Variants in ADGRL4 observed in about 807,000 individuals in gnomAD.
ADGRL4 encodes adhesion G protein-coupled receptor L4.
ADGRL4 carries 90 observed loss-of-function variants against 74.8 expected under a neutral mutation model. The ratio of observed to expected loss-of-function variants is 1.20; its 90% CI spans 1.02 to 1.43. The LOEUF is 1.43. Among genes scored for constraint, ADGRL4 ranks in the 40% most tolerant of loss-of-function variants. The pLI is 0.00. For synonymous variants in ADGRL4, 311 were observed against 279.2 expected (o/e 1.11, Z -1.14); for missense variants, 881 against 814.3 (o/e 1.08, Z -1.00).
chr1:78,926,877 A>C lies in ADGRL4; in HGVS notation c.1083+9T>G. ...ATCATAGCCAATAACTACCAGAAAA[A>C]CAGCTTACCTTTCGATGACTTAATG... On this transcript the variant is annotated intron_variant, in intron 8 of 14. Coordinates refer to ENST00000370742, the MANE Select transcript of ADGRL4 (RefSeq NM_022159.4). 1 of 1,602,890 alleles carries C rather than the reference A, an allele frequency of 6.2e-7. No homozygotes were observed. Among genetic ancestry groups the C allele is most frequent in the Non-Finnish European group, 8.5e-7 (1 of 1,171,202 alleles).
At chr1:78,953,875 T>G (rs11808205) in intron 2 of ADGRL4, among the ~76,000 whole-genome samples, 2,284 of 152,272 alleles carry the variant, frequency 0.015, 59 homozygotes, top group African/African-American at 0.053. Flanking sequence ...CCGGCCAGGC[T>G]AGGTTGCTCA....
intron 2 of ADGRL4, among the ~76,000 whole-genome samples, chr1:78,964,318 T>C (rs1444675358): frequency 6.6e-6 from 1 of 152,188 alleles, no homozygotes; most frequent in East Asian, 1.9e-4. Flanking sequence ...GTGTTTATGT[T>C]TAATAACAGC....
intron 2 of ADGRL4, among the ~76,000 whole-genome samples, chr1:78,970,179 C>A (rs1032863373): frequency 6.6e-6 from 1 of 152,132 alleles, no homozygotes; most frequent in African/African-American, 2.4e-5. Context: ...GTCCATGCAA[C>A]TCCTCCCCCA....
intron 3 of ADGRL4, 67 bp downstream of exon 3, chr1:78,946,207 T>C: frequency 7.1e-7 from 1 of 1,410,282 alleles, no homozygotes; most frequent in South Asian, 1.5e-5. Flanking sequence ...TTTGAATATG[T>C]TTAACCTCTG....
chr1:78,972,596 T>C (rs569504673), intron 2 of ADGRL4, among the ~76,000 whole-genome samples: 3 of 152,162 alleles, frequency 2.0e-5, no homozygotes, highest in Non-Finnish European at 2.9e-5. Context: ...AGGGAACATA[T>C]TGGGAAATAA....
At chr1:78,981,841 T>C (rs1220714308) in intron 2 of ADGRL4, among the ~76,000 whole-genome samples, 1 of 151,844 alleles carries the variant, frequency 6.6e-6, no homozygotes, top group African/African-American at 2.4e-5. Flanking sequence ...TTATTTAAGA[T>C]ATTTTATGTT....
chr1:78,929,154 T>G (rs77951548), intron 7 of ADGRL4, among the ~76,000 whole-genome samples: 4,599 of 151,542 alleles, frequency 0.03, 139 homozygotes, highest in South Asian at 0.053. Context: ...GCATTGAATC[T>G]TGTTCTATTA....
At chr1:78,931,654 A>T (rs188718363) in intron 7 of ADGRL4, among the ~76,000 whole-genome samples, 1 of 151,408 alleles carries the variant, frequency 6.6e-6, no homozygotes, top group East Asian at 1.9e-4. Flanking sequence ...TAAAGAGTTG[A>T]GACCCATCGG....
At chr1:78,903,151 C>T (rs1378211125) in intron 12 of ADGRL4, among the ~76,000 whole-genome samples, 1 of 152,142 alleles carries the variant, frequency 6.6e-6, no homozygotes, top group Admixed American at 6.6e-5. Flanking sequence ...AGATCTGAGC[C>T]ATTCTGAAGG....
At chr1:78,958,706 A>T (rs147590733) in intron 2 of ADGRL4, among the ~76,000 whole-genome samples, 149 of 152,328 alleles carry the variant, frequency 9.8e-4, no homozygotes, top group African/African-American at 3.3e-3. Context: ...ATGACAAAAA[A>T]GGATTTTGAA....
intron 7 of ADGRL4, among the ~76,000 whole-genome samples, chr1:78,930,935 A>T (rs932150875): frequency 3.3e-5 from 5 of 151,394 alleles, no homozygotes; most frequent in Non-Finnish European, 7.4e-5. Flanking sequence ...ATTTTGATAC[A>T]ATTTTTAAAA....
intron 2 of ADGRL4, among the ~76,000 whole-genome samples, chr1:78,962,134 G>C (rs1649966344): frequency 2.0e-5 from 3 of 152,090 alleles, no homozygotes; most frequent in Admixed American, 2.0e-4. Context: ...ACTCACCTCA[G>C]TCTCCCAAAG....
At chr1:78,915,550 TCCC>T (rs1342114562) in intron 12 of ADGRL4, among the ~76,000 whole-genome samples, 1 of 151,834 alleles carries the variant, frequency 6.6e-6, no homozygotes, top group Non-Finnish European at 1.5e-5. Flanking sequence ...AACATTGTCC[TCCC>T]CTAAAGGCCA....
intron 1 of ADGRL4, 116 bp downstream of exon 1, chr1:79,006,517 T>A: frequency 8.4e-7 from 1 of 1,195,796 alleles, no homozygotes; most frequent in Non-Finnish European, 1.2e-6. Flanking sequence ...TCAATTCTCC[T>A]CGGAGATTTT....
chr1:78,953,416 C>CA (rs956817992), intron 2 of ADGRL4, among the ~76,000 whole-genome samples: 24 of 149,566 alleles, frequency 1.6e-4, no homozygotes, highest in South Asian at 1.1e-3. Context: ...CTCTCAGTTG[C>CA]AAAAAAAAAG....
intron 2 of ADGRL4, among the ~76,000 whole-genome samples, chr1:78,988,699 C>T (rs1403507420): frequency 1.3e-5 from 2 of 151,756 alleles, no homozygotes; most frequent in Non-Finnish European, 3.0e-5. Context: ...ATTGAAAATC[C>T]TAAGTGATGT....
In ADGRL4 at chr1:78,951,876, A is replaced by C. The variant is rs75416803; in HGVS notation, c.173-5450T>G. On this transcript the variant is annotated intron_variant, in intron 2 of 14. Coordinates refer to ENST00000370742, the MANE Select transcript of ADGRL4 (RefSeq NM_022159.4). ...ACTTCTTAATAAGACATAAAGAGCG[A>C]GCATATAATTCTCCAAATTCAAGAG... 4.0e-4 allele frequency among the ~76,000 whole-genome samples: 61 copies of C among 152,292 alleles called. No individual in the cohort carries two copies. In the East Asian group the frequency reaches 0.011, roughly 28 times the overall value.
At chr1:78,961,065 A>G (rs558530778) in intron 2 of ADGRL4, among the ~76,000 whole-genome samples, 3 of 151,988 alleles carry the variant, frequency 2.0e-5, no homozygotes, top group South Asian at 2.1e-4. Context: ...TGTGTGCTCT[A>G]TTTTTTATGA....
chr1:78,979,840 T>C, intron 2 of ADGRL4, among the ~76,000 whole-genome samples: 1 of 151,946 alleles, frequency 6.6e-6, no homozygotes. Context: ...AAATGAGAGA[T>C]AAGCTATGAG....
Sources: allele counts gnomAD v4.1 joint callset (sites outside exome capture counted in the v4.1 genomes callset), GRCh38; gene constraint gnomAD v4.1.1; transcripts MANE v1.5; gene names NCBI Gene and HGNC (gene_info 2026-07-23, HGNC 2026-07-21).